The following LIG3 variants were observed in gnomAD, a reference collection of about 807,000 sequenced individuals.
The protein encoded by LIG3 is DNA ligase 3, also known as ligase II, DNA, ATP-dependent.
Under a neutral mutation model 110.9 loss-of-function variants are expected in LIG3, and 58 were observed. The ratio of observed to expected loss-of-function variants is 0.52; its 90% CI spans 0.42 to 0.65. The LOEUF is 0.65. Among genes scored for constraint, LIG3 ranks in the 30% least tolerant of loss-of-function variants. The pLI is 0.00. For missense variants in LIG3, 1,094 were observed against 1,273.8 expected (o/e 0.86, Z 2.15); for synonymous variants, 422 against 472.8 (o/e 0.89, Z 1.39).
chr17:34,980,625 G>A lies in LIG3; in HGVS notation c.-5+3G>A. The stretch of plus-strand genomic sequence containing the variant: ...GAGCGCCGGAGCCGGAGAGGCAGGT[G>A]AGGGGCTACGCGGCGCGGCACGGCG... On this transcript the variant is annotated splice_donor_region_variant and intron_variant, in intron 1 of 19. Transcript: ENST00000378526. 1 of 1,279,034 alleles carries A rather than the reference G, an allele frequency of 7.8e-7. No individual in the cohort carries two copies. The highest frequency in any genetic ancestry group is 1.0e-6 in the Non-Finnish European group (1 of 983,632). 79.2% of individuals were successfully genotyped at this position (1,279,034 alleles called of 1,614,324 possible).
chr17:34,991,801 A>C lies in LIG3; in HGVS notation c.1172A>C (p.Asp391Ala). 1 of 1,614,062 alleles carries C rather than the reference A, an allele frequency of 6.2e-7. No homozygotes were observed. Among genetic ancestry groups the C allele is most frequent in the Non-Finnish European group, 8.5e-7 (1 of 1,180,002 alleles). The change falls in exon 6 of 20, where the codon GAT (aspartate) becomes GCT (alanine). Residue 391 changes from aspartate (D) to alanine (A), a missense_variant. Coordinates refer to ENST00000378526, the MANE Select transcript of LIG3 (RefSeq NM_013975.4). ...CGGCTGTCCAAGCTCACCAAGGAGG[A>C]TGAGCAGCAACAGGCCCTACAGGAC... is the stretch of plus-strand genomic sequence containing the variant. ...LLRLSKLTKE[D>A]EQQQALQDIA...
intron 3 of LIG3, 126 bp from the exon 4 acceptor site, chr17:34,989,340 C>A: frequency 1.2e-6 from 1 of 837,938 alleles, no homozygotes; most frequent in Non-Finnish European, 1.9e-6. Context: ...TGACATCTAC[C>A]CCAAAAGTCT....
rs534252497 is a variant in LIG3 at position 34,995,426 on chromosome 17, G to A, written c.1612-638G>A. 2.6e-3 allele frequency among the ~76,000 whole-genome samples: 398 copies of A among 152,290 alleles called. 2 individuals are homozygous for A. The highest frequency in any genetic ancestry group is 0.015 in the South Asian group (71 of 4,828). ...GTCTGAGCACACTTTTCCAGATTTA[G>A]TCCTTTCCTTAATTTTCCCTTACCC... On this transcript the variant is annotated intron_variant, in intron 9 of 19. Coordinates refer to ENST00000378526, the MANE Select transcript of LIG3 (RefSeq NM_013975.4).
At chr17:34,997,539 A>G in intron 11 of LIG3, 199 bp from the exon 12 acceptor site, 1 of 564,272 alleles carries the variant, frequency 1.8e-6, no homozygotes, top group Non-Finnish European at 3.2e-6. Flanking sequence ...GCTCTATGCC[A>G]CAGCTCACAA....
rs183902368 is a variant in LIG3, at chr17:35,001,440, C to A, written c.2478+37C>A. On this transcript the variant is annotated intron_variant, in intron 17 of 19. Transcript: ENST00000378526. ...TAGGCTGTATATGTATTCTCCACCC[C>A]ACTGTCCAGGCCTTGGAGCCTTGGG... The A allele has an allele frequency of 3.7e-6, 6 of 1,602,034 alleles. No homozygotes were observed. In the African/African-American group the frequency reaches 6.7e-5, roughly 18 times the overall value.
chr17:34,997,055 G>A (rs889856990), intron 11 of LIG3: 35 of 172,826 alleles, frequency 2.0e-4, no homozygotes, highest in Admixed American at 1.8e-3. Flanking sequence ...GGGGGCATAA[G>A]GCAGATGGTT....
chr17:35,000,879 G>T (rs929569633), intron 16 of LIG3, among the ~76,000 whole-genome samples: 8 of 151,558 alleles, frequency 5.3e-5, no homozygotes, highest in Non-Finnish European at 1.0e-4. Context: ...CTCCCAAAGT[G>T]CTGGGATTAC....
In LIG3 at chr17:34,996,113, G is replaced by C. The variant is rs772233933; in HGVS notation, c.1661G>C (p.Ser554Thr). The C allele has an allele frequency of 6.2e-6, 10 of 1,614,160 alleles. No individual in the cohort carries two copies. In the Admixed American group the frequency reaches 1.7e-4, roughly 27 times the overall value. ...CCCCAGGCTTTTCCTGGGGGCCACA[G>C]CATGATCTTGGATTCTGAAGTGCTT... ...YIPQAFPGGHSMILDSEVLLI... is the reference protein window; with the variant it reads ...YIPQAFPGGHTMILDSEVLLI... Residue 554 changes from serine to threonine, a missense_variant, in exon 10 of 20, where the codon AGC becomes ACC. Ser to Thr is a moderately conservative substitution (Grantham distance 58, BLOSUM62 1). Coordinates refer to ENST00000378526, the MANE Select transcript of LIG3 (RefSeq NM_013975.4).
At chr17:35,001,796 A>C in intron 17 of LIG3, 113 bp from the exon 18 acceptor site, 1 of 943,870 alleles carries the variant, frequency 1.1e-6, no homozygotes, top group Non-Finnish European at 1.6e-6. Context: ...CTTGCTCTTT[A>C]TCTTTCTCAC....
chr17:34,983,948 T>C (rs2090630836), intron 2 of LIG3, among the ~76,000 whole-genome samples: 1 of 152,258 alleles, frequency 6.6e-6, no homozygotes, highest in South Asian at 2.1e-4. Flanking sequence ...GTGCTGTCTC[T>C]CTCTACATAC....
chr17:35,003,869 G>T, intron 19 of LIG3: 1 of 183,480 alleles, frequency 5.5e-6, no homozygotes, highest in Non-Finnish European at 1.1e-5. Context: ...CCCATTGAGA[G>T]TAGTAAGCAG....
At chr17:34,996,343 G>C in intron 10 of LIG3, 148 bp downstream of exon 10, 1 of 1,068,380 alleles carries the variant, frequency 9.4e-7, no homozygotes, top group South Asian at 1.7e-5. Context: ...TTGGATTTTT[G>C]TCTTTTGTTT....
At chr17:34,982,681 A>C (rs892291898) in intron 1 of LIG3, among the ~76,000 whole-genome samples, 18 of 151,778 alleles carry the variant, frequency 1.2e-4, no homozygotes, top group African/African-American at 4.1e-4. Context: ...AGGATCTTGT[A>C]ATACTTAAAG....
At chr17:35,003,783 C>T (rs2090870344) in intron 19 of LIG3, 1 of 162,128 alleles carries the variant, frequency 6.2e-6, no homozygotes, top group African/African-American at 2.4e-5. Context: ...AGTCTCACAG[C>T]ACAAGGCCTG....
In LIG3 at chr17:34,991,800, G is replaced by A. The variant is rs1184353156; in HGVS notation, c.1171G>A (p.Asp391Asn). ...GCGGCTGTCCAAGCTCACCAAGGAG[G>A]ATGAGCAGCAACAGGCCCTACAGGA... ...LLRLSKLTKE[D>N]EQQQALQDIA... Residue 391 changes from aspartate (D) to asparagine (N), a missense_variant, in exon 6 of 20, where the codon GAT becomes AAT. Asp to Asn is a conservative substitution (Grantham distance 23, BLOSUM62 1). Transcript: ENST00000378526. 2 of 1,614,144 alleles carry A rather than the reference G, an allele frequency of 1.2e-6. No homozygotes were observed. Among genetic ancestry groups the A allele is most frequent in the Non-Finnish European group, 1.7e-6 (2 of 1,180,010 alleles).
intron 4 of LIG3, among the ~76,000 whole-genome samples, chr17:34,990,669 G>A (rs2090709722): frequency 6.6e-6 from 1 of 152,168 alleles, no homozygotes; most frequent in Admixed American, 6.5e-5. Context: ...TGTGATCACA[G>A]CTCACTATAG....
In LIG3 at chr17:35,002,929, A is replaced by C. The variant is rs907782735; in HGVS notation, c.2796+140A>C. The C allele has an allele frequency of 3.1e-6, 5 of 1,607,336 alleles. No individual in the cohort carries two copies. In the African/African-American group the frequency reaches 6.7e-5, roughly 22 times the overall value. On this transcript the variant is annotated intron_variant, in intron 19 of 19. Transcript: ENST00000378526. Reference sequence around the variant, plus strand: ...CTAAACCTCTTCCCTGCCTGCAGCCACTCCTCTGTCGTGGGCAGGGTCAGC... The same window carrying C: ...CTAAACCTCTTCCCTGCCTGCAGCCCCTCCTCTGTCGTGGGCAGGGTCAGC...
Position 34,991,000 on chromosome 17 carries a change from G to T in LIG3, c.927G>T (p.Leu309=). ...FHGDVYLTVK[L]LLPGVIKTVY... ...GTGATGTGTACCTAACAGTGAAGCT[G>T]CTGCTGCCAGGAGTCATTAAGACTG... Residue 309 remains leucine (L), a synonymous_variant, in exon 5 of 20, where the codon CTG becomes CTT. Coordinates refer to ENST00000378526, the MANE Select transcript of LIG3 (RefSeq NM_013975.4). 6.2e-7 allele frequency: 1 copy of T among 1,614,170 alleles called. No individual in the cohort carries two copies. Among genetic ancestry groups the T allele is most frequent in the Non-Finnish European group, 8.5e-7 (1 of 1,179,972 alleles).
At chr17:35,001,843 A>T in intron 17 of LIG3, 66 bp from the exon 18 acceptor site, 1 of 1,449,474 alleles carries the variant, frequency 6.9e-7, no homozygotes, top group South Asian at 1.2e-5. Flanking sequence ...TACACCACAC[A>T]CACCACCTCT....
Sources: gnomAD v4.1 joint callset for allele counts (sites outside exome capture counted in the v4.1 genomes callset) on GRCh38, gnomAD v4.1.1 for gene constraint, MANE v1.5 for transcripts, NCBI Gene and HGNC (gene_info 2026-07-23, HGNC 2026-07-21) for gene names.